The following EXOC4 variants were observed in gnomAD, a reference collection of about 807,000 sequenced individuals.
EXOC4 encodes the protein SEC8-like 1.
A neutral mutation model predicts 107.2 loss-of-function variants in EXOC4; 71 were observed. The ratio of observed to expected loss-of-function variants is 0.66; its 90% CI spans 0.55 to 0.81. The LOEUF is 0.81. Among genes scored for constraint, EXOC4 ranks in the 30% least tolerant of loss-of-function variants. The pLI, the probability that EXOC4 is intolerant of heterozygous loss-of-function variation, is 0.00. For missense variants in EXOC4, 1,108 were observed against 1,189.6 expected, an observed-to-expected ratio of 0.93 and a Z score of 1.01; for synonymous variants, 456 against 441.2, an observed-to-expected ratio of 1.03 and a Z score of -0.42.
intron 12 of EXOC4, among the ~76,000 whole-genome samples, chr7:133,916,521 A>T (rs747417415): frequency 2.0e-5 from 3 of 152,204 alleles, no homozygotes; most frequent in Non-Finnish European, 4.4e-5. Context: ...CTCCTGCCTC[A>T]GTCTGCCAAA....
At chr7:133,451,826 G>C (rs1798354749) in intron 7 of EXOC4, among the ~76,000 whole-genome samples, 2 of 152,082 alleles carry the variant, frequency 1.3e-5, no homozygotes, top group Non-Finnish European at 2.9e-5. Flanking sequence ...GGGTAGACCT[G>C]CTCAGCCCAT....
intron 7 of EXOC4, among the ~76,000 whole-genome samples, chr7:133,463,733 G>C (rs1434321900): frequency 1.3e-5 from 2 of 152,134 alleles, no homozygotes; most frequent in Non-Finnish European, 2.9e-5. Context: ...CAAAAGTTTA[G>C]AGAATGAGTA....
intron 17 of EXOC4, among the ~76,000 whole-genome samples, chr7:134,009,407 CTG>C (rs971098045): frequency 1.3e-5 from 2 of 152,208 alleles, no homozygotes; most frequent in African/African-American, 4.8e-5. Context: ...CTTCCTCAAT[CTG>C]TTACTCCATT....
At chr7:133,897,641 A>C (rs1209368080) in intron 12 of EXOC4, among the ~76,000 whole-genome samples, 1 of 152,156 alleles carries the variant, frequency 6.6e-6, no homozygotes, top group African/African-American at 2.4e-5. Context: ...GAGCTTGTTC[A>C]TATGTATTTT....
At position 133,823,874 on chromosome 7, in the gene EXOC4, A is replaced by ATATATATATATTTTATATATATATATAT. The variant is rs1797614139; in HGVS notation, c.1734+6341_1734+6342insTTTATATATATATATATTATATATATAT. On this transcript the variant is annotated intron_variant, in intron 11 of 17. Transcript: ENST00000253861. ...ATATATATATATATATATATATATT[A>ATATATATATATTTTATATATATATATAT]TATATATATATATATATATTTTATA... Among the ~76,000 whole-genome samples, 2 of 9,090 alleles carry ATATATATATATTTTATATATATATATAT rather than the reference A, an allele frequency of 2.2e-4. 1 individual carries two copies. Among genetic ancestry groups the ATATATATATATTTTATATATATATATAT allele is most frequent in the African/African-American group, 2.7e-3 (2 of 746 alleles). The allele number at this position is 9,090 out of a possible 152,430, so 6.0% of individuals were successfully genotyped here. A position where few individuals can be genotyped will look rare whatever the true frequency, so the allele number is the denominator to read the frequency against.
chr7:133,410,662 T>C lies in EXOC4; in HGVS notation c.1182+35660T>C, dbSNP rs142548849. On this transcript the variant is annotated intron_variant, in intron 7 of 17. Coordinates refer to ENST00000253861, the MANE Select transcript of EXOC4 (RefSeq NM_021807.4). ...AAAGAAAGATTTTTATTTTTCCTTC[T>C]AATAAATGTTCATTGAGAAAGTTAT... Among the ~76,000 whole-genome samples the C allele has an allele frequency of 5.3e-5, 8 of 152,316 alleles. 1 individual carries two copies. Among genetic ancestry groups the C allele is most frequent in the African/African-American group, 1.9e-4 (8 of 41,570 alleles).
chr7:134,066,838 A>G (rs992337107), downstream of EXOC4, among the ~76,000 whole-genome samples: 1 of 152,074 alleles, frequency 6.6e-6, no homozygotes, highest in Admixed American at 6.5e-5. Flanking sequence ...ACCTCTCCCT[A>G]AGTGTGCTAT....
At chr7:133,727,744 C>T (rs1026338642) in intron 10 of EXOC4, 15 of 152,482 alleles carry the variant, frequency 9.8e-5, no homozygotes, top group African/African-American at 3.4e-4. Flanking sequence ...AGTCGTCACA[C>T]CCACAACAAG....
intron 7 of EXOC4, among the ~76,000 whole-genome samples, chr7:133,437,185 CT>C (rs1194909128): frequency 1.3e-5 from 2 of 152,074 alleles, no homozygotes; most frequent in African/African-American, 2.4e-5. Context: ...TTGTGTTCTA[CT>C]TTTTTTCTCT....
At chr7:134,033,331 G>C (rs144906458) in intron 17 of EXOC4, among the ~76,000 whole-genome samples, 30 of 152,272 alleles carry the variant, frequency 2.0e-4, no homozygotes, top group Non-Finnish European at 3.8e-4. Flanking sequence ...AGCCATCCTA[G>C]GAAATATTTA....
Position 133,540,818 on chromosome 7 carries a change from C to G in EXOC4, c.1417+60680C>G, listed in dbSNP as rs573909724. ...GTAGAGAAAGGCTTTGTTACATAGA[C>G]ACAGTTATTAATTCTCTATTTACTG... On this transcript the variant is annotated intron_variant, in intron 9 of 17. Transcript: ENST00000253861. Among the ~76,000 whole-genome samples the G allele has an allele frequency of 7.2e-5, 11 of 152,214 alleles. 1 individual carries two copies. The South Asian group carries it at 1.7e-3, about 23-fold the overall frequency.
intron 14 of EXOC4, among the ~76,000 whole-genome samples, chr7:133,948,536 A>G (rs1800608145): frequency 6.6e-6 from 1 of 152,186 alleles, no homozygotes; most frequent in South Asian, 2.1e-4. Flanking sequence ...AATAGTGCAT[A>G]AAGACTTTTT....
At chr7:133,971,039 A>G (rs1474963260) in intron 14 of EXOC4, among the ~76,000 whole-genome samples, 2 of 152,030 alleles carry the variant, frequency 1.3e-5, no homozygotes, top group East Asian at 3.9e-4. Flanking sequence ...CTCAGCCCTA[A>G]CTGTAGTGCC....
chr7:134,066,721 T>C (rs1796182509), downstream of EXOC4: 1 of 152,204 alleles, frequency 6.6e-6, no homozygotes, highest in South Asian at 2.1e-4. Context: ...GAGGCTGTTG[T>C]GCTGTTTACA....
At chr7:133,761,633 A>C (rs979161543) in intron 10 of EXOC4, among the ~76,000 whole-genome samples, 4 of 152,164 alleles carry the variant, frequency 2.6e-5, no homozygotes, top group Admixed American at 2.6e-4. Flanking sequence ...CTGGAAGATA[A>C]AGAAGCATTC....
At chr7:133,926,640 G>A (rs1013748096) in intron 13 of EXOC4, among the ~76,000 whole-genome samples, 1 of 152,000 alleles carries the variant, frequency 6.6e-6, no homozygotes, top group Non-Finnish European at 1.5e-5. Flanking sequence ...ACTAATCAAT[G>A]CAAAGAAAAA....
chr7:133,381,912 A>G (rs574396476), intron 7 of EXOC4, among the ~76,000 whole-genome samples: 50 of 152,296 alleles, frequency 3.3e-4, no homozygotes, highest in Non-Finnish European at 8.8e-5. Context: ...ATGTGGGAAC[A>G]TATTAAAAAA....
intron 7 of EXOC4, among the ~76,000 whole-genome samples, chr7:133,376,727 G>C (rs1236540559): frequency 6.6e-6 from 1 of 152,218 alleles, no homozygotes; most frequent in Non-Finnish European, 1.5e-5. Flanking sequence ...AGACCAGCCA[G>C]TGTGGGGAAA....
chr7:133,581,757 C>CAAAAA (rs71162005), intron 9 of EXOC4, among the ~76,000 whole-genome samples: 2 of 82,898 alleles, frequency 2.4e-5, no homozygotes, highest in Non-Finnish European at 2.3e-5. Context: ...GACTCCGTCT[C>CAAAAA]AAAAAAAAAA....
Sources: gnomAD v4.1 joint callset for allele counts (sites outside exome capture counted in the v4.1 genomes callset) on GRCh38, gnomAD v4.1.1 for gene constraint, MANE v1.5 for transcripts, NCBI Gene and HGNC (gene_info 2026-07-23, HGNC 2026-07-21) for gene names.